Variants in GLIS3 observed in about 807,000 individuals in gnomAD.
The protein encoded by GLIS3 is zinc finger protein GLIS3.
In GLIS3, 53 loss-of-function variants were observed where a neutral mutation model predicts 78.6. That is an observed-to-expected ratio of 0.67 (90% CI 0.54 to 0.85). GLIS3 has a LOEUF of 0.85. GLIS3 is among the 40% of genes least tolerant of loss of function. GLIS3 has a pLI of 0.00. For missense variants in GLIS3, 1,703 were observed against 1,231.1 expected, an observed-to-expected ratio of 1.38 and a Z score of -5.74; for synonymous variants, 684 against 509.9, an observed-to-expected ratio of 1.34 and a Z score of -4.60.
rs201298235 is a variant in GLIS3, at chr9:3,886,286, TTA to T, written c.2129-6693_2129-6692del. 6.5e-3 allele frequency among the ~76,000 whole-genome samples: 992 copies of T among 152,302 alleles called. 7 individuals carry two copies. The highest frequency in any genetic ancestry group is 0.023 in the African/African-American group (941 of 41,562). ...TAAGCTTTTTGTTGTTCTATTTTTT[TTA>T]TATGAGTTGCTATGAAGTGGGGCCT... is the stretch of plus-strand genomic sequence containing the variant. On this transcript the variant is annotated intron_variant, in intron 7 of 10. Transcript: ENST00000381971.
At chr9:4,084,856 T>C (rs942226223) in intron 4 of GLIS3, among the ~76,000 whole-genome samples, 1 of 151,966 alleles carries the variant, frequency 6.6e-6, no homozygotes, top group Non-Finnish European at 1.5e-5. Context: ...CACAGGAATC[T>C]TCCAAAATGC....
chr9:4,118,158 G>A lies in GLIS3; in HGVS notation c.1320C>T (p.Thr440=), dbSNP rs539722036. The change falls in exon 4 of 11, where the codon ACC becomes ACT. Residue 440 remains threonine (T), a synonymous_variant. Coordinates refer to ENST00000381971, the MANE Select transcript of GLIS3 (RefSeq NM_001042413.2). The surrounding 1 kb of genome is among the most constrained non-coding windows in gnomAD (Gnocchi z 4.7). ...GCGGAGGCGCGGGGGGTAGGTCTACGGTGCTGCCCGGGAACTCCTCCAGGC... is the reference window on the plus strand; with the variant it reads ...GCGGAGGCGCGGGGGGTAGGTCTACAGTGCTGCCCGGGAACTCCTCCAGGC... ...TERLEEFPGS[T]VDLPPAPPLP... 2.6e-6 allele frequency: 4 copies of A among 1,562,048 alleles called. No homozygotes were observed. The South Asian group carries it at 3.6e-5, about 14-fold the overall frequency.
At chr9:4,017,276 G>C (rs1248816933) in intron 4 of GLIS3, among the ~76,000 whole-genome samples, 1 of 152,156 alleles carries the variant, frequency 6.6e-6, no homozygotes, top group Admixed American at 6.6e-5. Flanking sequence ...AGTCAGAGTG[G>C]TTTAACTGTT....
intron 2 of GLIS3, among the ~76,000 whole-genome samples, chr9:4,200,660 AAAAAACAAAC>A (rs1244388046): frequency 6.6e-6 from 1 of 152,188 alleles, no homozygotes; most frequent in Non-Finnish European, 1.5e-5. Flanking sequence ...TTGAATCAGA[AAAAAACAAAC>A]AAAAACAAAC....
chr9:4,390,875 G>C, the GLIS3 span, among the ~76,000 whole-genome samples: 1 of 152,200 alleles, frequency 6.6e-6, no homozygotes, highest in Non-Finnish European at 1.5e-5. Context: ...TAGAGAGCTG[G>C]AGGCAGAAAC....
At chr9:4,382,452 C>A in the GLIS3 span, among the ~76,000 whole-genome samples, 1 of 152,186 alleles carries the variant, frequency 6.6e-6, no homozygotes, top group African/African-American at 2.4e-5. Flanking sequence ...TCACACAAAT[C>A]TACAAGAATC....
chr9:4,279,314 A>AAAAAAAAT (rs1425536070), intron 2 of GLIS3, among the ~76,000 whole-genome samples: 1 of 82,646 alleles, frequency 1.2e-5, no homozygotes, highest in South Asian at 5.9e-4. Flanking sequence ...AAAAAAAAAA[A>AAAAAAAAT]ATATATATAT....
At chr9:4,297,949 CCGGAGG>C (rs147410026) in intron 1 of GLIS3, among the ~76,000 whole-genome samples, 1 of 151,658 alleles carries the variant, frequency 6.6e-6, no homozygotes, top group African/African-American at 2.4e-5. Flanking sequence ...AGGGGCGGGT[CCGGAGG>C]CGGAGGCGAC....
At chr9:4,008,630 C>T (rs1435562818) in intron 4 of GLIS3, among the ~76,000 whole-genome samples, 1 of 152,154 alleles carries the variant, frequency 6.6e-6, no homozygotes, top group African/African-American at 2.4e-5. Flanking sequence ...CTGTATTCAT[C>T]TCCCCACCTA....
intron 2 of GLIS3, among the ~76,000 whole-genome samples, chr9:4,225,911 A>G (rs1821729698): frequency 6.6e-6 from 1 of 152,116 alleles, no homozygotes; most frequent in Non-Finnish European, 1.5e-5. Flanking sequence ...AACCCACAAC[A>G]TTTTCTAACT....
intron 2 of GLIS3, among the ~76,000 whole-genome samples, chr9:4,274,809 C>T (rs544866530): frequency 8.5e-5 from 13 of 152,254 alleles, no homozygotes; most frequent in Admixed American, 1.3e-4. Flanking sequence ...TGTTAAAATG[C>T]ACATTCTGAT....
chr9:4,465,474 G>C, the GLIS3 span, among the ~76,000 whole-genome samples: 9 of 152,162 alleles, frequency 5.9e-5, no homozygotes, highest in African/African-American at 1.9e-4. Context: ...TCTTGAACCC[G>C]GAAGACAGAG....
intron 2 of GLIS3, among the ~76,000 whole-genome samples, chr9:4,330,859 T>G (rs1046910432): frequency 1.3e-5 from 2 of 151,700 alleles, no homozygotes; most frequent in Non-Finnish European, 2.9e-5. Flanking sequence ...GAGCCAGGAG[T>G]GGGTTAAGCT....
chr9:4,187,898 G>T (rs9697079), intron 2 of GLIS3, among the ~76,000 whole-genome samples: 36,774 of 150,340 alleles, frequency 0.24, 4,934 homozygotes, highest in Non-Finnish European at 0.3. Flanking sequence ...CATTTTGGGC[G>T]GAGACCATGG....
At chr9:4,214,535 C>G (rs111756518) in intron 2 of GLIS3, among the ~76,000 whole-genome samples, 2 of 152,286 alleles carry the variant, frequency 1.3e-5, no homozygotes, top group African/African-American at 4.8e-5. Context: ...GTCTGCCCTC[C>G]CCAAGCTCCC....
intron 2 of GLIS3, among the ~76,000 whole-genome samples, chr9:4,204,711 A>G (rs1221090960): frequency 6.6e-6 from 1 of 152,148 alleles, no homozygotes; most frequent in Non-Finnish European, 1.5e-5. Context: ...TGAGCTCAGG[A>G]GTTTGAGACC....
chr9:4,184,162 AGGGT>A, intron 2 of GLIS3, among the ~76,000 whole-genome samples: 1 of 152,320 alleles, frequency 6.6e-6, no homozygotes, highest in Non-Finnish European at 1.5e-5. Context: ...TCCAAAATCA[AGGGT>A]ATAAGCAATT....
chr9:3,833,902 GT>G (rs1032909798), intron 9 of GLIS3, among the ~76,000 whole-genome samples: 20 of 152,102 alleles, frequency 1.3e-4, no homozygotes, highest in African/African-American at 2.6e-4. Context: ...GTTTTGGGAA[GT>G]TTTTTTTCCC....
At chr9:4,402,482 G>C in the GLIS3 span, among the ~76,000 whole-genome samples, 113 of 152,210 alleles carry the variant, frequency 7.4e-4, no homozygotes, top group South Asian at 0.021. Context: ...AACTAAATAA[G>C]GCAATAGGGA....
Sources: gnomAD v4.1 joint callset for allele counts (sites outside exome capture counted in the v4.1 genomes callset) on GRCh38, gnomAD v4.1.1 for gene constraint, Gnocchi (gnomAD v3.1) non-coding constraint, MANE v1.5 for transcripts, NCBI Gene and HGNC (gene_info 2026-07-23, HGNC 2026-07-21) for gene names.